The following LRBA variants were observed in gnomAD, a reference collection of about 807,000 sequenced individuals.
The protein encoded by LRBA is lipopolysaccharide-responsive and beige-like anchor protein.
Under a neutral mutation model 330.0 loss-of-function variants are expected in LRBA, and 176 were observed. That is an observed-to-expected ratio of 0.53 (90% CI 0.47 to 0.60). LRBA has a LOEUF of 0.60. Among genes scored for constraint, LRBA ranks in the 20% least tolerant of loss-of-function variants. LRBA has a pLI of 0.00. For missense variants in LRBA, 3,259 were observed against 3,444.8 expected (o/e 0.95, Z 1.35); for synonymous variants, 1,230 against 1,193.0 (o/e 1.03, Z -0.64).
At chr4:150,818,532 C>CTCTG (rs200552031) in intron 30 of LRBA, among the ~76,000 whole-genome samples, 14 of 145,908 alleles carry the variant, frequency 9.6e-5, no homozygotes, top group South Asian at 4.5e-4. Context: ...TGACGAATGT[C>CTCTG]TGTGTGTGTG....
At chr4:150,474,489 C>T (rs1756493045) in intron 42 of LRBA, among the ~76,000 whole-genome samples, 1 of 152,116 alleles carries the variant, frequency 6.6e-6, no homozygotes. Flanking sequence ...GTTTCAGCTA[C>T]TCTAGGTCCA....
intron 50 of LRBA, among the ~76,000 whole-genome samples, chr4:150,317,894 A>G (rs978951204): frequency 2.0e-5 from 3 of 152,172 alleles, no homozygotes; most frequent in Admixed American, 2.0e-4. Context: ...GTTTTGACCT[A>G]TAAAAAAACG....
chr4:150,994,249 A>C (rs150725843), intron 2 of LRBA, among the ~76,000 whole-genome samples: 3 of 152,250 alleles, frequency 2.0e-5, no homozygotes, highest in Non-Finnish European at 4.4e-5. Context: ...AGTGTTGAGG[A>C]GAACAGGGTG....
chr4:150,805,562 A>AAGGGAG (rs1742619523), intron 33 of LRBA, among the ~76,000 whole-genome samples: 1 of 109,198 alleles, frequency 9.2e-6, no homozygotes, highest in African/African-American at 4.6e-5. Context: ...AAAGGAAAGG[A>AAGGGAG]AAGGAAAGGA....
At chr4:150,576,930 T>C (rs148770165) in intron 40 of LRBA, among the ~76,000 whole-genome samples, 2 of 151,524 alleles carry the variant, frequency 1.3e-5, no homozygotes, top group African/African-American at 2.4e-5. Flanking sequence ...TCAAAGAGAG[T>C]AAAAAAAAAT....
intron 40 of LRBA, among the ~76,000 whole-genome samples, chr4:150,573,882 T>C (rs181818956): frequency 4.3e-4 from 65 of 152,286 alleles, no homozygotes; most frequent in African/African-American, 1.5e-3. Flanking sequence ...ATCTATCTTT[T>C]AACACAGTAG....
chr4:150,806,394 T>G lies in LRBA; in HGVS notation c.5395A>C (p.Arg1799=). 6.2e-7 allele frequency: 1 copy of G among 1,606,154 alleles called. No individual in the cohort carries two copies. The highest frequency in any genetic ancestry group is 8.5e-7 in the Non-Finnish European group (1 of 1,176,852). ...DPVSNMSITE[R]LEHALEKAAP... is the part of the protein sequence containing the mutation. ...GCCTTTTCCAAAGCGTGTTCAAGCCTCTCTGTAATACTAAGGAAAAGACAT... is the reference window on the plus strand; with the variant it reads ...GCCTTTTCCAAAGCGTGTTCAAGCCGCTCTGTAATACTAAGGAAAAGACAT... Residue 1799 remains arginine (R), a synonymous_variant, in exon 33 of 57, where the codon AGG becomes CGG. Transcript: ENST00000651943.
Position 150,682,899 on chromosome 4 carries a change from G to T in LRBA, c.5921+652C>A, listed in dbSNP as rs567420847. Among the ~76,000 whole-genome samples the T allele has an allele frequency of 2.0e-3, 299 of 152,100 alleles. 2 individuals carry two copies. Among genetic ancestry groups the T allele is most frequent in the African/African-American group, 7.0e-3 (291 of 41,538 alleles). ...AATTTGTAGCATAAAATATTTCATG[G>T]AGGATATATAATTTGTCCAAGTTCC... On this transcript the variant is annotated intron_variant, in intron 37 of 56. Coordinates refer to ENST00000651943, the MANE Select transcript of LRBA (RefSeq NM_001364905.1).
chr4:150,389,094 C>T (rs1333258000), intron 47 of LRBA, among the ~76,000 whole-genome samples: 1 of 152,138 alleles, frequency 6.6e-6, no homozygotes, highest in East Asian at 1.9e-4. Flanking sequence ...TGAGTATCTT[C>T]AATTTTGGAT....
intron 47 of LRBA, among the ~76,000 whole-genome samples, chr4:150,397,795 C>G (rs1041749560): frequency 3.9e-5 from 6 of 152,136 alleles, no homozygotes; most frequent in African/African-American, 1.4e-4. Context: ...TTCTAATCTA[C>G]AGGTTGAGAG....
At chr4:150,954,040 G>A (rs1226658418) in intron 2 of LRBA, among the ~76,000 whole-genome samples, 9 of 116,248 alleles carry the variant, frequency 7.7e-5, no homozygotes, top group African/African-American at 1.3e-4. Context: ...GAGCCTCTCC[G>A]CCCGGCAGCC....
intron 56 of LRBA, among the ~76,000 whole-genome samples, chr4:150,266,877 C>T (rs1236159620): frequency 4.6e-5 from 7 of 151,962 alleles, no homozygotes; most frequent in East Asian, 3.9e-4. Context: ...AAAGATATTC[C>T]GTGTAAGTAC....
intron 34 of LRBA, among the ~76,000 whole-genome samples, chr4:150,772,497 G>A (rs1231852514): frequency 6.6e-6 from 1 of 152,204 alleles, no homozygotes; most frequent in East Asian, 1.9e-4. Context: ...TGTACAACTT[G>A]ATGGCTTAGT....
rs147134917 is a variant in LRBA at position 150,792,428 on chromosome 4, C to A, written c.5580+5653G>T. Among the ~76,000 whole-genome samples, 31 of 152,220 alleles carry A rather than the reference C, an allele frequency of 2.0e-4. No homozygotes were observed. The East Asian group carries it at 5.0e-3, about 25-fold the overall frequency. The stretch of plus-strand genomic sequence containing the variant: ...AGGATTAAAATGGTTGGGTATATGT[C>A]AAAATTCACTGAACAGTACACTTAA... On this transcript the variant is annotated intron_variant, in intron 34 of 56. Coordinates refer to ENST00000651943, the MANE Select transcript of LRBA (RefSeq NM_001364905.1).
chr4:150,508,527 G>A (rs1426220607), intron 40 of LRBA, among the ~76,000 whole-genome samples: 1 of 152,158 alleles, frequency 6.6e-6, no homozygotes, highest in Non-Finnish European at 1.5e-5. Flanking sequence ...GACCTCAAAT[G>A]ATCCACCCAC....
At chr4:150,590,902 G>C (rs1230371638) in intron 38 of LRBA, 43 bp from the exon 39 acceptor site, 2 of 1,598,512 alleles carry the variant, frequency 1.3e-6, no homozygotes, top group East Asian at 4.5e-5. Context: ...GTTCTGGGAA[G>C]AGCACTTCGG....
intron 37 of LRBA, among the ~76,000 whole-genome samples, chr4:150,640,184 C>T (rs1210722025): frequency 6.6e-6 from 1 of 151,898 alleles, no homozygotes; most frequent in African/African-American, 2.4e-5. Flanking sequence ...TCAAAAAATG[C>T]AATCATTGTG....
intron 46 of LRBA, chr4:150,422,841 C>A (rs1749013798): frequency 7.1e-7 from 1 of 1,406,510 alleles, no homozygotes; most frequent in African/African-American, 1.4e-5. Context: ...CCAGGCTGTA[C>A]TGAACTCCAC....
At chr4:150,790,590 T>A (rs1241064084) in intron 34 of LRBA, among the ~76,000 whole-genome samples, 3 of 152,234 alleles carry the variant, frequency 2.0e-5, no homozygotes, top group African/African-American at 7.2e-5. Context: ...CATGTTTGCA[T>A]ATCAGCAATA....
Sources: gnomAD v4.1 joint callset for allele counts (sites outside exome capture counted in the v4.1 genomes callset) on GRCh38, gnomAD v4.1.1 for gene constraint, MANE v1.5 for transcripts, NCBI Gene and HGNC (gene_info 2026-07-23, HGNC 2026-07-21) for gene names.